KMT2E: variants seen among roughly 807,000 people sequenced by gnomAD.
KMT2E encodes histone reader KMT2E.
KMT2E carries 30 observed loss-of-function variants against 184.6 expected under a neutral mutation model. The observed-to-expected ratio is 0.16, with a 90% CI of 0.12 to 0.22. KMT2E has a LOEUF of 0.22. Among genes scored for constraint, KMT2E ranks in the 10% least tolerant of loss-of-function variants. KMT2E has a pLI of 1.00. For synonymous variants in KMT2E, 815 were observed against 776.5 expected (o/e 1.05, Z -0.82); for missense variants, 2,023 against 2,237.4 (o/e 0.90, Z 1.93).
At chr7:105,085,482 AGGTTG>A (rs1397764131) in intron 13 of KMT2E, among the ~76,000 whole-genome samples, 4 of 152,308 alleles carry the variant, frequency 2.6e-5, no homozygotes, top group African/African-American at 9.6e-5. Flanking sequence ...TGGGAGATGG[AGGTTG>A]CAGTGAGCTG....
chr7:105,106,554 T>G lies in KMT2E; in HGVS notation c.2629T>G (p.Tyr877Asp), dbSNP rs368000092. The G allele has an allele frequency of 8.7e-6, 14 of 1,612,286 alleles. No individual in the cohort carries two copies. The African/African-American group carries it at 1.7e-4, about 20-fold the overall frequency. Reference sequence around the variant, plus strand: ...TACACCACTAAAAAAACGAAGATTTTATCAGTTGCTAGATTCGGTTTACTC... The same window carrying G: ...TACACCACTAAAAAAACGAAGATTTGATCAGTTGCTAGATTCGGTTTACTC... ...LTTPLKKRRF[Y>D]QLLDSVYSET... The change falls in exon 20 of 27, where the codon TAT (tyrosine) becomes GAT (aspartate). Residue 877 changes from tyrosine to aspartate, a missense_variant. Around this residue, in one of 8 missense-constraint regions of KMT2E, gnomAD observed 514 missense variants for 621.8 expected, o/e 0.83. Coordinates refer to ENST00000311117, the MANE Select transcript of KMT2E (RefSeq NM_182931.3).
chr7:105,032,023 A>G (rs1156559162), intron 1 of KMT2E, among the ~76,000 whole-genome samples: 1 of 138,354 alleles, frequency 7.2e-6, no homozygotes, highest in African/African-American at 2.7e-5. Flanking sequence ...CCGAAATCAC[A>G]CTACTGCACT....
At chr7:105,071,709 G>A (rs1437569468) in intron 6 of KMT2E, among the ~76,000 whole-genome samples, 1 of 140,398 alleles carries the variant, frequency 7.1e-6, no homozygotes, top group Admixed American at 7.4e-5. Flanking sequence ...TGCCTGCCTC[G>A]GCCTCCCAGA....
chr7:105,049,628 C>T (rs999825042), intron 3 of KMT2E, among the ~76,000 whole-genome samples: 1 of 151,980 alleles, frequency 6.6e-6, no homozygotes, highest in African/African-American at 2.4e-5. Context: ...CGGTGGCTCA[C>T]GCCTGTAATC....
chr7:105,034,279 A>G (rs554822189), intron 1 of KMT2E, among the ~76,000 whole-genome samples: 34 of 152,164 alleles, frequency 2.2e-4, no homozygotes, highest in Non-Finnish European at 3.4e-4. Context: ...TTTGTTGCCC[A>G]GGTTGGAGAG....
Position 105,114,519 on chromosome 7 carries a change from CTAGT to C in KMT2E, c.*1193_*1196del, listed in dbSNP as rs548730172. Among the ~76,000 whole-genome samples, 219 of 152,176 alleles carry C rather than the reference CTAGT, an allele frequency of 1.4e-3. No individual in the cohort carries two copies. Among genetic ancestry groups the C allele is most frequent in the Non-Finnish European group, 2.0e-3 (135 of 67,996 alleles). On this transcript the variant is annotated 3_prime_UTR_variant, in exon 27 of 27. Transcript: ENST00000311117. The stretch of plus-strand genomic sequence containing the variant: ...GTTTTTATTGCTAAAATATAAAATG[CTAGT>C]TAGTTATTAATTATTAATCTTCAAA...
intron 3 of KMT2E, among the ~76,000 whole-genome samples, chr7:105,058,751 G>T (rs1179609155): frequency 1.3e-5 from 2 of 152,236 alleles, no homozygotes; most frequent in East Asian, 3.9e-4. Flanking sequence ...CTGCTACTAG[G>T]TTGGTGCAAA....
intron 3 of KMT2E, among the ~76,000 whole-genome samples, chr7:105,042,861 C>A (rs970847167): frequency 6.6e-6 from 1 of 152,112 alleles, no homozygotes; most frequent in Admixed American, 6.5e-5. Flanking sequence ...ATTTTTTACA[C>A]CTATTAATAT....
chr7:105,111,056 T>C, intron 26 of KMT2E, 188 bp downstream of exon 26: 1 of 579,456 alleles, frequency 1.7e-6, no homozygotes, highest in Non-Finnish European at 3.0e-6. Context: ...ATGTGATGGA[T>C]AACTCTGACC....
intron 5 of KMT2E, chr7:105,064,040 T>C (rs1796926527): frequency 6.6e-6 from 3 of 454,266 alleles, no homozygotes; most frequent in African/African-American, 4.0e-5. Context: ...CTCTGGAGTC[T>C]CCTTGAACCA....
intron 1 of KMT2E, among the ~76,000 whole-genome samples, chr7:105,026,142 G>T (rs558453005): frequency 2.0e-5 from 3 of 152,200 alleles, no homozygotes; most frequent in Non-Finnish European, 4.4e-5. Context: ...TGATGAACTC[G>T]CAAACATCTA....
At chr7:105,091,184 GT>G (rs1798189331) in intron 14 of KMT2E, 31 bp from the exon 15 acceptor site, 1 of 996,494 alleles carries the variant, frequency 1.0e-6, no homozygotes, top group Admixed American at 1.9e-5. Context: ...TGGAATAATA[GT>G]TTGTATAAAG....
At chr7:105,058,712 T>G (rs1378607612) in intron 3 of KMT2E, among the ~76,000 whole-genome samples, 1 of 152,220 alleles carries the variant, frequency 6.6e-6, no homozygotes, top group Non-Finnish European at 1.5e-5. Context: ...CATACCTTAT[T>G]GCTTATATAT....
At chr7:105,092,262 A>C (rs1018428981) in intron 15 of KMT2E, among the ~76,000 whole-genome samples, 2 of 152,154 alleles carry the variant, frequency 1.3e-5, no homozygotes, top group African/African-American at 4.8e-5. Flanking sequence ...CTAAAAATAC[A>C]AAAATTAGCC....
chr7:105,078,725 C>G (rs1797634586), intron 11 of KMT2E, 121 bp from the exon 12 acceptor site: 10 of 239,582 alleles, frequency 4.2e-5, no homozygotes, highest in South Asian at 3.4e-4. Flanking sequence ...CCAGGTTGGT[C>G]TTGATCTCCT....
chr7:105,090,301 G>T, intron 14 of KMT2E, 28 bp downstream of exon 14: 1 of 1,561,762 alleles, frequency 6.4e-7, no homozygotes, highest in South Asian at 1.2e-5. Context: ...CAATGAAATT[G>T]AATAAACAAA....
intron 3 of KMT2E, among the ~76,000 whole-genome samples, chr7:105,057,460 T>A (rs1303647775): frequency 6.6e-6 from 1 of 152,146 alleles, no homozygotes; most frequent in Non-Finnish European, 1.5e-5. Context: ...TGTTTTTGTT[T>A]TGATACAGAG....
chr7:105,077,612 C>A, intron 11 of KMT2E, 179 bp downstream of exon 11: 1 of 552,442 alleles, frequency 1.8e-6, no homozygotes, highest in African/African-American at 1.9e-5. Context: ...TAAACTAAAA[C>A]AACATAAAAA....
chr7:105,089,700 T>C (rs1180139147), intron 13 of KMT2E, among the ~76,000 whole-genome samples: 3 of 152,214 alleles, frequency 2.0e-5, no homozygotes, highest in African/African-American at 4.8e-5. Context: ...ATTATATATA[T>C]GCAAACATTC....
Sources: allele counts gnomAD v4.1 joint callset (sites outside exome capture counted in the v4.1 genomes callset), GRCh38; gene constraint gnomAD v4.1.1; regional missense constraint gnomAD v4.1.1; transcripts MANE v1.5; gene names NCBI Gene and HGNC (gene_info 2026-07-23, HGNC 2026-07-21).